The following ANKRD22 variants were observed in gnomAD, a reference collection of about 807,000 sequenced individuals.
The protein encoded by ANKRD22 is ankyrin repeat domain 22, also known as ankyrin repeat domain-containing protein 22.
Under a neutral mutation model 25.7 loss-of-function variants are expected in ANKRD22, and 24 were observed. The observed-to-expected ratio is 0.93, with a 90% CI of 0.68 to 1.31. The LOEUF (loss-of-function observed/expected upper bound fraction) is 1.31. ANKRD22 is among the 50% of genes most tolerant of loss of function. ANKRD22 has a pLI of 0.00. For missense variants in ANKRD22, 214 were observed against 227.1 expected (o/e 0.94, Z 0.37); for synonymous variants, 84 against 84.3 (o/e 1.00, Z 0.02).
rs1491462149 is a variant in ANKRD22, at chr10:88,822,543, G to GTTTTTTTTTTTT, written c.*397_*398insAAAAAAAAAAAA. On this transcript the variant is annotated 3_prime_UTR_variant, in exon 6 of 6. Coordinates refer to ENST00000371930, the MANE Select transcript of ANKRD22 (RefSeq NM_144590.3). ...GAAAGACTGAGTTTGGAACACCAGG[G>GTTTTTTTTTTTT]CTTTTTTTTTTTTTTTTTTTTTTGA... 1 of 19,724 alleles carries GTTTTTTTTTTTT rather than the reference G, an allele frequency of 5.1e-5. No individual in the cohort carries two copies. The highest frequency in any genetic ancestry group is 8.0e-5 in the Non-Finnish European group (1 of 12,578). The allele number at this position is 19,724 out of a possible 1,614,324, so 1.2% of individuals were successfully genotyped here.
intron 1 of ANKRD22, among the ~76,000 whole-genome samples, chr10:88,845,615 C>A (rs1844040458): frequency 6.6e-6 from 1 of 152,138 alleles, no homozygotes; most frequent in South Asian, 2.1e-4. Context: ...TACTGAGTAT[C>A]AACTTTAATT....
chr10:88,830,439 GTGTT>G (rs1267662863), intron 2 of ANKRD22, among the ~76,000 whole-genome samples: 2 of 152,052 alleles, frequency 1.3e-5, no homozygotes, highest in African/African-American at 2.4e-5. Context: ...TGTTTTTAAG[GTGTT>G]TGTTTGTTTA....
Position 88,822,842 on chromosome 10 carries a change from T to G in ANKRD22, c.*99A>C. Reference sequence around the variant, plus strand: ...AAGCATCATTATCCCCATAAAATGGTGGCATCCAGGTTAAATGGCCCACAG... The same window carrying G: ...AAGCATCATTATCCCCATAAAATGGGGGCATCCAGGTTAAATGGCCCACAG... On this transcript the variant is annotated 3_prime_UTR_variant, in exon 6 of 6. Transcript: ENST00000371930. The G allele has an allele frequency of 1.0e-6, 1 of 996,772 alleles. No individual in the cohort carries two copies. Among genetic ancestry groups the G allele is most frequent in the Non-Finnish European group, 1.5e-6 (1 of 647,084 alleles). 61.7% of individuals were successfully genotyped at this position (996,772 alleles called of 1,614,324 possible).
chr10:88,833,813 C>G (rs1238639453), intron 1 of ANKRD22, among the ~76,000 whole-genome samples: 1 of 152,220 alleles, frequency 6.6e-6, no homozygotes, highest in African/African-American at 2.4e-5. Context: ...ACTAAGCTTT[C>G]CAACAGTTGG....
chr10:88,830,963 A>C (rs1469768507), intron 2 of ANKRD22, among the ~76,000 whole-genome samples: 2 of 152,178 alleles, frequency 1.3e-5, no homozygotes, highest in Non-Finnish European at 2.9e-5. Flanking sequence ...CCAAACCAAA[A>C]ATAGTAAGCA....
intron 4 of ANKRD22, among the ~76,000 whole-genome samples, chr10:88,824,156 A>G (rs1192383900): frequency 6.6e-6 from 1 of 152,262 alleles, no homozygotes; most frequent in Non-Finnish European, 1.5e-5. Flanking sequence ...GCAGTTCTAC[A>G]GAGACATTTC....
intron 1 of ANKRD22, among the ~76,000 whole-genome samples, chr10:88,842,017 T>C (rs1396813209): frequency 6.6e-6 from 1 of 152,172 alleles, no homozygotes; most frequent in Non-Finnish European, 1.5e-5. Context: ...CACTGTCTTA[T>C]TCTTAACGTA....
intron 4 of ANKRD22, among the ~76,000 whole-genome samples, 194 bp downstream of exon 4, chr10:88,825,844 G>A (rs1325476745): frequency 1.3e-5 from 2 of 152,052 alleles, no homozygotes; most frequent in Non-Finnish European, 2.9e-5. Flanking sequence ...ATCAATAGAG[G>A]TATTATTCCC....
chr10:88,844,156 C>T (rs1844027614), intron 1 of ANKRD22, among the ~76,000 whole-genome samples: 1 of 152,074 alleles, frequency 6.6e-6, no homozygotes, highest in African/African-American at 2.4e-5. Context: ...GAAGAAACTT[C>T]CAGACAAAGG....
chr10:88,826,256 C>T, intron 3 of ANKRD22, 141 bp from the exon 4 acceptor site: 1 of 667,192 alleles, frequency 1.5e-6, no homozygotes, highest in African/African-American at 1.8e-5. Context: ...TTTCCCCCAG[C>T]TTCTCACTCA....
chr10:88,839,135 C>G (rs760149254), intron 1 of ANKRD22, among the ~76,000 whole-genome samples: 5 of 152,158 alleles, frequency 3.3e-5, no homozygotes, highest in Non-Finnish European at 7.3e-5. Context: ...GGCCTTTACA[C>G]TTGCATGTGA....
chr10:88,823,827 C>CAAAAAAAAAAAAAAAAAAAAAAA lies in ANKRD22; in HGVS notation c.400-450_400-449insTTTTTTTTTTTTTTTTTTTTTTT, dbSNP rs56194758. 1.7e-4 allele frequency among the ~76,000 whole-genome samples: 18 copies of CAAAAAAAAAAAAAAAAAAAAAAA among 103,740 alleles called. 1 individual carries two copies. The highest frequency in any genetic ancestry group is 7.7e-4 in the African/African-American group (18 of 23,258). The allele number at this position is 103,740 out of a possible 152,430, so 68.1% of individuals were successfully genotyped here. On this transcript the variant is annotated intron_variant, in intron 4 of 5. Transcript: ENST00000371930. ...TGGGCGACAGAGCGAGACTCCGTCT[C>CAAAAAAAAAAAAAAAAAAAAAAA]AAAAAAAAAAAAAAAAAAATTTCTT...
intron 1 of ANKRD22, among the ~76,000 whole-genome samples, chr10:88,833,997 A>G (rs1419724676): frequency 6.6e-6 from 1 of 152,216 alleles, no homozygotes; most frequent in Non-Finnish European, 1.5e-5. Flanking sequence ...TCATTAAATG[A>G]AGGAGTAAGG....
chr10:88,820,142 T>A lies in ANKRD22; in HGVS notation c.*2799A>T, dbSNP rs938212292. 10 of 1,071,628 alleles carry A rather than the reference T, an allele frequency of 9.3e-6. No individual in the cohort carries two copies. In the African/African-American group the frequency reaches 1.3e-4, roughly 14 times the overall value. 66.4% of individuals were successfully genotyped at this position (1,071,628 alleles called of 1,614,324 possible). A position where few individuals can be genotyped will look rare whatever the true frequency, so the allele number is the denominator to read the frequency against. On this transcript the variant is annotated 3_prime_UTR_variant, in exon 6 of 6. Transcript: ENST00000371930. ...CCCATGTACCCTTCACCACAACAGA[T>A]GGCATGTTTATTATGTCTATTTGAA...
In ANKRD22 at chr10:88,820,695, G is replaced by A. The variant is rs1039130657; in HGVS notation, c.*2246C>T. ...TATTAGGTAAATAGAGGTTTTGTAT[G>A]CTATTATATATTCTACCATCTTGAA... On this transcript the variant is annotated 3_prime_UTR_variant, in exon 6 of 6. Transcript: ENST00000371930. 2 of 604,434 alleles carry A rather than the reference G, an allele frequency of 3.3e-6. No homozygotes were observed. Among genetic ancestry groups the A allele is most frequent in the African/African-American group, 3.7e-5 (2 of 54,082 alleles). The allele number at this position is 604,434 out of a possible 1,614,324, so 37.4% of individuals were successfully genotyped here.
intron 4 of ANKRD22, among the ~76,000 whole-genome samples, chr10:88,824,378 C>A (rs1262865865): frequency 6.6e-6 from 1 of 152,168 alleles, no homozygotes; most frequent in Non-Finnish European, 1.5e-5. Context: ...CTCTGGATCC[C>A]ATTCCCTAGA....
chr10:88,825,834 A>G (rs1355278411), intron 4 of ANKRD22, among the ~76,000 whole-genome samples: 1 of 152,222 alleles, frequency 6.6e-6, no homozygotes, highest in Non-Finnish European at 1.5e-5. Flanking sequence ...ATGCTTTATA[A>G]TCAATAGAGG....
chr10:88,838,131 A>G (rs554456195), intron 1 of ANKRD22, among the ~76,000 whole-genome samples: 3 of 152,340 alleles, frequency 2.0e-5, no homozygotes, highest in African/African-American at 7.2e-5. Context: ...GACCATCGTA[A>G]TTAAAACTGT....
At chr10:88,834,000 G>C (rs1374356701) in intron 1 of ANKRD22, among the ~76,000 whole-genome samples, 1 of 152,214 alleles carries the variant, frequency 6.6e-6, no homozygotes, top group Non-Finnish European at 1.5e-5. Flanking sequence ...TTAAATGAAG[G>C]AGTAAGGCAG....
Sources: allele counts gnomAD v4.1 joint callset (sites outside exome capture counted in the v4.1 genomes callset), GRCh38; gene constraint gnomAD v4.1.1; transcripts MANE v1.5; gene names NCBI Gene and HGNC (gene_info 2026-07-23, HGNC 2026-07-21).